Variants in CCDC192 observed in about 807,000 individuals in gnomAD.
CCDC192 encodes the protein coiled-coil domain containing 192, also known as coiled-coil domain-containing protein 192.
chr5:127,757,823 CTGTGTGTATG>C, intron 3 of CCDC192, among the ~76,000 whole-genome samples: 1 of 146,726 alleles, frequency 6.8e-6, no homozygotes, highest in South Asian at 2.2e-4. Flanking sequence ...CTCTCTCAAT[CTGTGTGTATG>C]TGTGTGTGTG....
At chr5:127,821,013 T>C (rs181644917) in intron 5 of CCDC192, among the ~76,000 whole-genome samples, 152 of 152,100 alleles carry the variant, frequency 1.0e-3, no homozygotes, top group Admixed American at 3.2e-3. Flanking sequence ...ATCCCTATAG[T>C]ATCCACACAC....
At chr5:127,938,655 A>C (rs1754255804) in intron 6 of CCDC192, among the ~76,000 whole-genome samples, 1 of 152,254 alleles carries the variant, frequency 6.6e-6, no homozygotes, top group African/African-American at 2.4e-5. Context: ...TATTCTAAAT[A>C]TTATCATTTT....
At chr5:127,932,334 A>G (rs1754059143) in intron 6 of CCDC192, among the ~76,000 whole-genome samples, 1 of 151,768 alleles carries the variant, frequency 6.6e-6, no homozygotes, top group Non-Finnish European at 1.5e-5. Context: ...CCTCCCAACT[A>G]GCTGGGACTA....
chr5:127,890,853 T>G (rs888259365), intron 6 of CCDC192, among the ~76,000 whole-genome samples: 1 of 152,232 alleles, frequency 6.6e-6, no homozygotes, highest in Non-Finnish European at 1.5e-5. Context: ...GTGGAAGCTA[T>G]CTATCTCTGT....
intron 5 of CCDC192, among the ~76,000 whole-genome samples, chr5:127,803,401 C>T (rs1580685478): frequency 6.6e-6 from 1 of 152,278 alleles, no homozygotes; most frequent in South Asian, 2.1e-4. Flanking sequence ...GCATCTTTAT[C>T]ACTCCCTCCC....
chr5:127,912,559 A>G (rs245159), intron 6 of CCDC192, among the ~76,000 whole-genome samples: 73,314 of 151,908 alleles, frequency 0.48, 18,103 homozygotes, highest in African/African-American at 0.51. Context: ...ACAGGAGAAC[A>G]CCGAGCCTCT....
At chr5:127,738,439 G>T (rs1309019918) in intron 2 of CCDC192, among the ~76,000 whole-genome samples, 1 of 143,094 alleles carries the variant, frequency 7.0e-6, no homozygotes, top group Admixed American at 7.2e-5. Flanking sequence ...GAGTATCTTT[G>T]TGGCGTTCTC....
intron 6 of CCDC192, among the ~76,000 whole-genome samples, chr5:127,939,108 A>G (rs895628954): frequency 8.8e-6 from 1 of 113,336 alleles, no homozygotes; most frequent in African/African-American, 3.6e-5. Context: ...TCAAACCAAC[A>G]TCTTTTTTTT....
chr5:127,843,761 C>T (rs1037691331), intron 5 of CCDC192, among the ~76,000 whole-genome samples: 6 of 152,142 alleles, frequency 3.9e-5, no homozygotes, highest in African/African-American at 7.2e-5. Context: ...TTGACTTAGC[C>T]AGAGGCAAGA....
At position 127,719,918 on chromosome 5, in the gene CCDC192, C is replaced by T. The variant is rs542525116; in HGVS notation, c.114+12158C>T. Among the ~76,000 whole-genome samples, 87 of 152,032 alleles carry T rather than the reference C, an allele frequency of 5.7e-4. 1 individual carries two copies. The highest frequency in any genetic ancestry group is 1.4e-3 in the African/African-American group (59 of 41,452). ...ATGAGAACAGCAAGGGGGATGTCCA[C>T]CCCCCGATCCAATCATCTCCCACCA... On this transcript the variant is annotated intron_variant, in intron 2 of 6. Transcript: ENST00000514853.
At chr5:127,833,738 A>C (rs1222110011) in intron 5 of CCDC192, among the ~76,000 whole-genome samples, 1 of 152,234 alleles carries the variant, frequency 6.6e-6, no homozygotes, top group Non-Finnish European at 1.5e-5. Flanking sequence ...TTGCAAGATC[A>C]GATCACTGCA....
chr5:127,923,447 G>A (rs1561553549), intron 6 of CCDC192, among the ~76,000 whole-genome samples: 1 of 149,124 alleles, frequency 6.7e-6, no homozygotes, highest in Non-Finnish European at 1.5e-5. Flanking sequence ...GTGCCATCTT[G>A]GCTCACTGCA....
intron 5 of CCDC192, among the ~76,000 whole-genome samples, chr5:127,824,763 C>T (rs983045338): frequency 2.0e-5 from 3 of 152,198 alleles, no homozygotes; most frequent in African/African-American, 7.2e-5. Flanking sequence ...CTTGCCTTCT[C>T]TCCTCAGGCT....
chr5:127,736,594 C>T (rs1226764071), intron 2 of CCDC192, among the ~76,000 whole-genome samples: 1 of 151,898 alleles, frequency 6.6e-6, no homozygotes, highest in Non-Finnish European at 1.5e-5. Flanking sequence ...TTGATCATTG[C>T]CACAATTTCA....
At chr5:127,848,232 C>T (rs1750649306) in intron 5 of CCDC192, among the ~76,000 whole-genome samples, 1 of 152,156 alleles carries the variant, frequency 6.6e-6, no homozygotes, top group Non-Finnish European at 1.5e-5. Context: ...ATAGTAAACC[C>T]TTCACGTGGT....
Position 127,719,830 on chromosome 5 carries a change from G to GGGC in CCDC192, c.114+12072_114+12073insCGG, listed in dbSNP as rs1561445416. On this transcript the variant is annotated intron_variant, in intron 2 of 6. Transcript: ENST00000514853. ...GTCTCGCATGGCCAGATCAGAGGAA[G>GGGC]GGGCGGGGGAGGTGACACATGCTTT... Among the ~76,000 whole-genome samples the GGGC allele has an allele frequency of 6.4e-5, 6 of 94,338 alleles. No homozygotes were observed. The East Asian group carries it at 9.3e-4, about 15-fold the overall frequency. The allele number at this position is 94,338 out of a possible 152,430, so 61.9% of individuals were successfully genotyped here.
chr5:127,871,781 C>G (rs1017617183), intron 5 of CCDC192, among the ~76,000 whole-genome samples: 2 of 152,150 alleles, frequency 1.3e-5, no homozygotes, highest in African/African-American at 2.4e-5. Flanking sequence ...CAATATGATA[C>G]GAATAGATAT....
At chr5:127,900,054 C>A (rs934980541) in intron 6 of CCDC192, among the ~76,000 whole-genome samples, 8 of 152,212 alleles carry the variant, frequency 5.3e-5, no homozygotes, top group Non-Finnish European at 1.0e-4. Flanking sequence ...TTAACACTTA[C>A]TTTGAATATC....
chr5:127,878,808 T>G (rs1358850026), intron 6 of CCDC192, among the ~76,000 whole-genome samples: 6 of 149,704 alleles, frequency 4.0e-5, no homozygotes, highest in Non-Finnish European at 7.4e-5. Flanking sequence ...GTATGGCCAT[T>G]TTCATGATAT....
Sources: allele counts gnomAD v4.1 joint callset (sites outside exome capture counted in the v4.1 genomes callset), GRCh38; gene constraint gnomAD v4.1.1; transcripts MANE v1.5; gene names NCBI Gene and HGNC (gene_info 2026-07-23, HGNC 2026-07-21).